ARHGEF17: variants seen among roughly 807,000 people sequenced by gnomAD.
ARHGEF17 encodes the protein 164 kDa Rho-specific guanine-nucleotide exchange factor.
A neutral mutation model predicts 174.0 loss-of-function variants in ARHGEF17; 80 were observed. The ratio of observed to expected loss-of-function variants is 0.46; its 90% CI spans 0.38 to 0.55. The LOEUF (loss-of-function observed/expected upper bound fraction) is 0.55, where lower values mean the gene tolerates loss of function less well. ARHGEF17 is among the 20% of genes least tolerant of loss of function. The probability of loss-of-function intolerance (pLI) is 0.00; values close to 1 mark genes in which losing one functional copy is unlikely to be tolerated. For missense variants in ARHGEF17, 2,886 were observed against 2,839.7 expected (o/e 1.02, Z -0.37); for synonymous variants, 1,311 against 1,189.1 (o/e 1.10, Z -2.11).
In ARHGEF17 at chr11:73,309,832, C is replaced by T. The variant is rs770366199; in HGVS notation, c.1194C>T (p.Thr398=). Residue 398 remains threonine, a synonymous_variant, in exon 1 of 21, where the codon ACC becomes ACT. Transcript: ENST00000263674. ...GCAGCCGTTATTCCAGCACGGAGAC[C>T]CTCAAGGACGACGACCTATGGTCTA... The part of the protein sequence containing the change: ...RGSSRYSSTE[T]LKDDDLWSSR... The T allele has an allele frequency of 1.9e-6, 3 of 1,613,166 alleles. No individual in the cohort carries two copies. Among genetic ancestry groups the T allele is most frequent in the South Asian group, 1.1e-5 (1 of 91,082 alleles).
At chr11:73,341,532 G>A (rs553611303) in intron 1 of ARHGEF17, among the ~76,000 whole-genome samples, 5 of 151,688 alleles carry the variant, frequency 3.3e-5, no homozygotes, top group South Asian at 2.1e-4. Context: ...GGCTGGTCTC[G>A]AACTCCCAAC....
At chr11:73,352,404 C>T (rs1406777789) in intron 2 of ARHGEF17, among the ~76,000 whole-genome samples, 3 of 152,204 alleles carry the variant, frequency 2.0e-5, no homozygotes, top group Non-Finnish European at 2.9e-5. Flanking sequence ...CAGACTAGAT[C>T]CTAAGCTCTA....
intron 9 of ARHGEF17, among the ~76,000 whole-genome samples, chr11:73,359,531 G>A (rs979166165): frequency 2.6e-5 from 4 of 152,244 alleles, no homozygotes; most frequent in African/African-American, 9.6e-5. Flanking sequence ...GTGTCAGCCA[G>A]GGCCTGTGTA....
chr11:73,352,249 G>A (rs987293630), intron 2 of ARHGEF17, among the ~76,000 whole-genome samples: 69 of 152,242 alleles, frequency 4.5e-4, no homozygotes, highest in African/African-American at 1.5e-3. Flanking sequence ...ACTTGAACCC[G>A]GGAGGCGGAG....
chr11:73,357,886 G>A (rs1265829296), intron 9 of ARHGEF17, among the ~76,000 whole-genome samples: 2 of 152,166 alleles, frequency 1.3e-5, no homozygotes, highest in South Asian at 4.1e-4. Context: ...CATAACTCCC[G>A]TGATCAGACC....
chr11:73,355,459 CAG>C (rs1337117525), intron 3 of ARHGEF17, 72 bp from the exon 4 acceptor site: 1 of 912,638 alleles, frequency 1.1e-6, no homozygotes, highest in Non-Finnish European at 1.8e-6. Context: ...ACTCATGAAT[CAG>C]TGAAAACTAG....
intron 1 of ARHGEF17, among the ~76,000 whole-genome samples, chr11:73,346,108 C>T (rs1865456484): frequency 6.6e-6 from 1 of 152,006 alleles, no homozygotes; most frequent in Non-Finnish European, 1.5e-5. Flanking sequence ...CTTGGGGACT[C>T]AGTAATTCAG....
chr11:73,351,503 G>C (rs915761652), intron 2 of ARHGEF17, among the ~76,000 whole-genome samples: 2 of 152,164 alleles, frequency 1.3e-5, no homozygotes, highest in Admixed American at 1.3e-4. Context: ...CTGTATAACA[G>C]CGTTCAGAAA....
intron 2 of ARHGEF17, among the ~76,000 whole-genome samples, 190 bp from the exon 3 acceptor site, chr11:73,352,640 C>T (rs988952308): frequency 2.6e-5 from 4 of 152,170 alleles, no homozygotes; most frequent in African/African-American, 7.2e-5. Flanking sequence ...CTGGGCTCAG[C>T]GATGAGGGCA....
chr11:73,360,677 C>A, intron 11 of ARHGEF17, 144 bp downstream of exon 11: 1 of 818,842 alleles, frequency 1.2e-6, no homozygotes, highest in Non-Finnish European at 1.9e-6. Flanking sequence ...GGGGCTTCTG[C>A]AGTGAAACAT....
chr11:73,309,650 G>A lies in ARHGEF17; in HGVS notation c.1012G>A (p.Glu338Lys), dbSNP rs2135783424. ...CCCAACATCTCCAAGAGCCCCTAGA[G>A]AAGAAGGACTCCGGGAGTGGGGTAG... ...EPPTSPRAPR[E>K]EGLREWGSGS... Residue 338 changes from glutamate (E) to lysine (K), a missense_variant, in exon 1 of 21, where the codon GAA becomes AAA. Transcript: ENST00000263674. 2 of 1,613,108 alleles carry A rather than the reference G, an allele frequency of 1.2e-6. No individual in the cohort carries two copies. Among genetic ancestry groups the A allele is most frequent in the South Asian group, 1.1e-5 (1 of 91,088 alleles).
rs1408794885 is a variant in ARHGEF17, at chr11:73,352,856, A to G, written c.3297A>G (p.Pro1099=). 1 of 1,614,066 alleles carries G rather than the reference A, an allele frequency of 6.2e-7. No individual in the cohort carries two copies. Among genetic ancestry groups the G allele is most frequent in the Admixed American group, 1.7e-5 (1 of 60,024 alleles). Residue 1099 remains proline, a synonymous_variant, in exon 3 of 21, where the codon CCA becomes CCG. Coordinates refer to ENST00000263674, the MANE Select transcript of ARHGEF17 (RefSeq NM_014786.4). ...MQGYMQPLKQ[P]ENSVLCDPSL... The stretch of plus-strand genomic sequence containing the variant: ...GCTACATGCAGCCGCTGAAGCAGCC[A>G]GAGAACTCCGTGCTCTGTGACCCTT...
chr11:73,308,809 C>T lies in ARHGEF17; in HGVS notation c.171C>T (p.Arg57=). ...TTAARGQPSR[R]VSKLASGPLA... ...CTGCCCGGGGCCAGCCCTCTCGGCGCGTGTCCAAGCTGGCGTCTGGGCCCC... is the reference window on the plus strand; with the variant it reads ...CTGCCCGGGGCCAGCCCTCTCGGCGTGTGTCCAAGCTGGCGTCTGGGCCCC... Residue 57 remains arginine (R), a synonymous_variant, in exon 1 of 21, where the codon CGC becomes CGT. Transcript: ENST00000263674. The T allele has an allele frequency of 7.4e-7, 1 of 1,355,012 alleles. No individual in the cohort carries two copies. The highest frequency in any genetic ancestry group is 1.8e-5 in the South Asian group (1 of 55,842). The allele number at this position is 1,355,012 out of a possible 1,614,324, so 83.9% of individuals were successfully genotyped here.
intron 1 of ARHGEF17, among the ~76,000 whole-genome samples, chr11:73,312,715 C>A (rs1402291409): frequency 1.3e-5 from 2 of 151,876 alleles, no homozygotes; most frequent in Non-Finnish European, 1.5e-5. Context: ...TTCAGGGCTG[C>A]CTCTATGGGT....
At chr11:73,355,342 T>C (rs1865619538) in intron 3 of ARHGEF17, among the ~76,000 whole-genome samples, 191 bp from the exon 4 acceptor site, 1 of 152,224 alleles carries the variant, frequency 6.6e-6, no homozygotes. Flanking sequence ...CGTATATCCA[T>C]GTGTACACAT....
chr11:73,316,973 G>C (rs910471883), intron 1 of ARHGEF17, among the ~76,000 whole-genome samples: 1 of 152,106 alleles, frequency 6.6e-6, no homozygotes, highest in East Asian at 1.9e-4. Flanking sequence ...GCAGCCCCAG[G>C]GGCTCCTCAA....
intron 7 of ARHGEF17, 81 bp downstream of exon 7, chr11:73,356,840 G>A: frequency 6.3e-7 from 1 of 1,594,986 alleles, no homozygotes; most frequent in African/African-American, 1.3e-5. Flanking sequence ...TCTACCTGCA[G>A]GTCTCCCTGC....
chr11:73,313,651 C>T (rs917383378), intron 1 of ARHGEF17, among the ~76,000 whole-genome samples: 1 of 152,218 alleles, frequency 6.6e-6, no homozygotes, highest in Non-Finnish European at 1.5e-5. Flanking sequence ...GATCTCCAAG[C>T]TTTTGCCCAC....
chr11:73,310,767 G>A lies in ARHGEF17; in HGVS notation c.2129G>A (p.Arg710His). 1 of 1,611,370 alleles carries A rather than the reference G, an allele frequency of 6.2e-7. No homozygotes were observed. The highest frequency in any genetic ancestry group is 8.5e-7 in the Non-Finnish European group (1 of 1,178,752). ...PPTPGALRRR[R>H]KVPPSGSGGS... ...ACACCAGGTGCCCTCCGCCGACGAC[G>A]CAAAGTCCCACCTTCAGGTTCTGGT... is the stretch of plus-strand genomic sequence containing the variant. Residue 710 changes from arginine to histidine, a missense_variant, in exon 1 of 21, where the codon CGC becomes CAC. Transcript: ENST00000263674.
Sources: allele counts gnomAD v4.1 joint callset (sites outside exome capture counted in the v4.1 genomes callset), GRCh38; gene constraint gnomAD v4.1.1; transcripts MANE v1.5; gene names NCBI Gene and HGNC (gene_info 2026-07-23, HGNC 2026-07-21).